DNER: variants seen among roughly 807,000 people sequenced by gnomAD.
DNER encodes delta/notch like EGF repeat containing, also known as delta and Notch-like epidermal growth factor-related receptor.
In DNER, 33 loss-of-function variants were observed where a neutral mutation model predicts 78.2. That is an observed-to-expected ratio of 0.42 (90% CI 0.32 to 0.56). The LOEUF is 0.56. Among genes scored for constraint, DNER ranks in the 20% least tolerant of loss-of-function variants. DNER has a pLI of 0.11. For synonymous variants in DNER, 417 were observed against 384.8 expected, an observed-to-expected ratio of 1.08 and a Z score of -0.98; for missense variants, 918 against 975.3, an observed-to-expected ratio of 0.94 and a Z score of 0.78.
intron 4 of DNER, among the ~76,000 whole-genome samples, chr2:229,585,419 G>A (rs144982536): frequency 5.2e-4 from 79 of 152,098 alleles, no homozygotes; most frequent in African/African-American, 1.8e-3. Context: ...CCAACACTTC[G>A]GGAGGCTGAG....
chr2:229,696,422 T>C (rs1424357143), intron 1 of DNER, among the ~76,000 whole-genome samples: 1 of 152,236 alleles, frequency 6.6e-6, no homozygotes, highest in Non-Finnish European at 1.5e-5. Context: ...AACCCTGTGC[T>C]GTTGCTTATA....
intron 9 of DNER, among the ~76,000 whole-genome samples, chr2:229,415,076 C>T (rs1693615705): frequency 6.6e-6 from 1 of 152,010 alleles, no homozygotes; most frequent in African/African-American, 2.4e-5. Context: ...GCAGGAGAAT[C>T]GCTTGAACCC....
intron 4 of DNER, among the ~76,000 whole-genome samples, chr2:229,585,304 A>G (rs932548069): frequency 6.6e-6 from 1 of 152,248 alleles, no homozygotes; most frequent in Admixed American, 6.5e-5. Context: ...TGCCTTCGCC[A>G]GGGCTGGAAC....
intron 9 of DNER, among the ~76,000 whole-genome samples, chr2:229,410,764 A>G (rs1169312853): frequency 6.6e-6 from 1 of 152,254 alleles, no homozygotes; most frequent in Non-Finnish European, 1.5e-5. Flanking sequence ...TTCAAAAAGC[A>G]GTACACCAAT....
At chr2:229,543,529 G>A (rs1696557530) in intron 5 of DNER, among the ~76,000 whole-genome samples, 3 of 152,282 alleles carry the variant, frequency 2.0e-5, no homozygotes, top group Admixed American at 6.5e-5. Context: ...AAAAATTCTG[G>A]TTCCTCTTAC....
At chr2:229,541,356 T>C (rs953216660) in intron 5 of DNER, among the ~76,000 whole-genome samples, 3 of 152,220 alleles carry the variant, frequency 2.0e-5, no homozygotes, top group Admixed American at 6.5e-5. Flanking sequence ...GTTAATTTTA[T>C]GTATCAACTT....
At chr2:229,544,107 C>T (rs1278821727) in intron 5 of DNER, among the ~76,000 whole-genome samples, 1 of 152,188 alleles carries the variant, frequency 6.6e-6, no homozygotes, top group Admixed American at 6.5e-5. Flanking sequence ...TTAGCCTCCT[C>T]TTCTTTTCTC....
chr2:229,620,207 G>A (rs187261706), intron 1 of DNER, among the ~76,000 whole-genome samples: 4 of 152,242 alleles, frequency 2.6e-5, no homozygotes, highest in South Asian at 2.1e-4. Context: ...AGAGAGCATC[G>A]CTCCCGAGAG....
At position 229,659,996 on chromosome 2, in the gene DNER, G is replaced by A. The variant is rs143364449; in HGVS notation, c.276+54152C>T. Among the ~76,000 whole-genome samples the A allele has an allele frequency of 2.8e-3, 428 of 152,166 alleles. 2 individuals are homozygous for A. The highest frequency in any genetic ancestry group is 9.8e-3 in the African/African-American group (405 of 41,522). ...TATTATACCTGTGCTTGTAAGTTAGGTATACACATACCTCATATGTGTATA... is the reference window on the plus strand; with the variant it reads ...TATTATACCTGTGCTTGTAAGTTAGATATACACATACCTCATATGTGTATA... On this transcript the variant is annotated intron_variant, in intron 1 of 12. Coordinates refer to ENST00000341772, the MANE Select transcript of DNER (RefSeq NM_139072.4).
At position 229,367,112 on chromosome 2, in the gene DNER, T is replaced by C. The variant is rs147002066; in HGVS notation, c.1863A>G (p.Gln621=). 4.3e-4 allele frequency: 693 copies of C among 1,614,084 alleles called. 10 individuals are homozygous for C. The highest frequency in any genetic ancestry group is 3.9e-3 in the South Asian group (357 of 91,054). The part of the protein sequence containing the change: ...WVGANCEIHL[Q]WKSGHMAESL... ...TCTCCGCCATGTGCCCGGACTTCCA[T>C]TGGAGGTCTGCAGGCAAAAATAAGC... The change falls in exon 12 of 13, where the codon CAA becomes CAG. Residue 621 remains glutamine (Q), a synonymous_variant. Coordinates refer to ENST00000341772, the MANE Select transcript of DNER (RefSeq NM_139072.4).
At chr2:229,710,598 A>C (rs1297490734) in intron 1 of DNER, among the ~76,000 whole-genome samples, 1 of 152,134 alleles carries the variant, frequency 6.6e-6, no homozygotes, top group Non-Finnish European at 1.5e-5. Context: ...CATCATCATC[A>C]TTACATATCT....
chr2:229,393,350 A>G (rs773728578), intron 10 of DNER, among the ~76,000 whole-genome samples: 2 of 152,102 alleles, frequency 1.3e-5, no homozygotes, highest in Non-Finnish European at 2.9e-5. Context: ...ATCTTGAACT[A>G]GGGATGCAGA....
chr2:229,472,584 C>G lies in DNER; in HGVS notation c.1261+4556G>C, dbSNP rs185600320. Reference sequence around the variant, plus strand: ...TATTTAAATACCAATATGCAGTAATCCTAAGCATATATAGACATCTTCAGA... The same window carrying G: ...TATTTAAATACCAATATGCAGTAATGCTAAGCATATATAGACATCTTCAGA... On this transcript the variant is annotated intron_variant, in intron 7 of 12. Coordinates refer to ENST00000341772, the MANE Select transcript of DNER (RefSeq NM_139072.4). 2.2e-3 allele frequency among the ~76,000 whole-genome samples: 330 copies of G among 152,066 alleles called. 6 individuals carry two copies. Among genetic ancestry groups the G allele is most frequent in the East Asian group, 3.1e-3 (16 of 5,180 alleles).
rs140857578 is a variant in DNER, at chr2:229,464,021, C to G, written c.1261+13119G>C. On this transcript the variant is annotated intron_variant, in intron 7 of 12. Coordinates refer to ENST00000341772, the MANE Select transcript of DNER (RefSeq NM_139072.4). Reference sequence around the variant, plus strand: ...GTGGCAGAAATTCAGAAGGAAGAACCCTATGATGTGTGCAGGTCAGAAAAA... The same window carrying G: ...GTGGCAGAAATTCAGAAGGAAGAACGCTATGATGTGTGCAGGTCAGAAAAA... Among the ~76,000 whole-genome samples the G allele has an allele frequency of 3.3e-5, 5 of 152,250 alleles. No homozygotes were observed. In the East Asian group the frequency reaches 7.7e-4, roughly 24 times the overall value.
chr2:229,388,207 T>C (rs1411691420), intron 11 of DNER, 58 bp downstream of exon 11: 3 of 1,537,146 alleles, frequency 2.0e-6, no homozygotes, highest in South Asian at 2.5e-5. Flanking sequence ...TGAAGGAAAA[T>C]GCTTAAGTAA....
At chr2:229,618,657 T>C (rs979832308) in intron 1 of DNER, among the ~76,000 whole-genome samples, 3 of 152,246 alleles carry the variant, frequency 2.0e-5, no homozygotes, top group African/African-American at 4.8e-5. Context: ...AATTGTTATG[T>C]TGCACATTTC....
chr2:229,397,511 C>T (rs1693174937), intron 10 of DNER, among the ~76,000 whole-genome samples: 1 of 149,416 alleles, frequency 6.7e-6, no homozygotes, highest in African/African-American at 2.5e-5. Context: ...CCACCAAAGG[C>T]CGAGTGGAGA....
rs1233982863 is a variant in DNER, at chr2:229,714,378, C to T, written c.46G>A (p.Ala16Thr). 1 of 1,211,886 alleles carries T rather than the reference C, an allele frequency of 8.3e-7. No individual in the cohort carries two copies. Among genetic ancestry groups the T allele is most frequent in the Non-Finnish European group, 1.0e-6 (1 of 978,172 alleles). 75.1% of individuals were successfully genotyped at this position (1,211,886 alleles called of 1,614,324 possible). ...AQAPGAQLLP[A>T]LALLLLLLGA... ...AGCAGCAGCAGCAGCAGGGCCAGCG[C>T]GGGCAGCAGCTGCGCACCGGGCGCC... Residue 16 changes from alanine to threonine, a missense_variant, in exon 1 of 13, where the codon GCG becomes ACG. Ala to Thr is a moderately conservative substitution (Grantham distance 58). Transcript: ENST00000341772.
intron 5 of DNER, among the ~76,000 whole-genome samples, chr2:229,520,287 G>A (rs896519763): frequency 2.6e-5 from 4 of 152,286 alleles, no homozygotes; most frequent in African/African-American, 9.6e-5. Flanking sequence ...TTGAGCACAT[G>A]TTTATACAAA....
Sources: allele counts gnomAD v4.1 joint callset (sites outside exome capture counted in the v4.1 genomes callset), GRCh38; gene constraint gnomAD v4.1.1; transcripts MANE v1.5; gene names NCBI Gene and HGNC (gene_info 2026-07-23, HGNC 2026-07-21).